The following STK32B variants were observed in gnomAD, a reference collection of about 807,000 sequenced individuals.
STK32B encodes the protein serine/threonine kinase 32B.
Under a neutral mutation model 52.6 loss-of-function variants are expected in STK32B, and 43 were observed. The ratio of observed to expected loss-of-function variants is 0.82; its 90% CI spans 0.64 to 1.05. STK32B has a LOEUF of 1.05. Ranked by LOEUF, STK32B falls within the 50% of genes least tolerant of loss-of-function variation. STK32B has a pLI of 0.00. For missense variants in STK32B, 621 were observed against 534.6 expected (o/e 1.16, Z -1.59); for synonymous variants, 238 against 204.3 (o/e 1.17, Z -1.41).
At chr4:5,185,874 A>G (rs968359604) in intron 3 of STK32B, among the ~76,000 whole-genome samples, 31 of 152,084 alleles carry the variant, frequency 2.0e-4, no homozygotes, top group African/African-American at 7.2e-4. Flanking sequence ...ATCCCCTGAC[A>G]CCCACCCCTA....
chr4:5,228,987 G>GT (rs1456658647), intron 3 of STK32B, among the ~76,000 whole-genome samples: 1 of 152,012 alleles, frequency 6.6e-6, no homozygotes, highest in Non-Finnish European at 1.5e-5. Flanking sequence ...AAAAAGTTAT[G>GT]TTTATACTCT....
intron 2 of STK32B, among the ~76,000 whole-genome samples, chr4:5,153,802 TG>T (rs1408052413): frequency 6.6e-6 from 1 of 151,618 alleles, no homozygotes; most frequent in Non-Finnish European, 1.5e-5. Flanking sequence ...AACTACAAAA[TG>T]TCTACTAGAA....
At chr4:5,264,613 T>C (rs997474719) in intron 3 of STK32B, among the ~76,000 whole-genome samples, 5 of 150,296 alleles carry the variant, frequency 3.3e-5, no homozygotes, top group East Asian at 2.0e-4. Flanking sequence ...AATGAAACCC[T>C]GTCTCTACTA....
intron 5 of STK32B, among the ~76,000 whole-genome samples, chr4:5,415,870 C>G (rs1197097646): frequency 2.0e-5 from 3 of 152,128 alleles, no homozygotes; most frequent in Non-Finnish European, 2.9e-5. Flanking sequence ...CTCAATGCAC[C>G]TGCTCCAGAA....
chr4:5,320,491 C>T (rs887780870), intron 3 of STK32B, among the ~76,000 whole-genome samples: 3 of 152,092 alleles, frequency 2.0e-5, no homozygotes, highest in African/African-American at 4.8e-5. Flanking sequence ...CTATTGTTTA[C>T]ATTGAAAAAA....
At chr4:5,322,652 G>A (rs1344163814) in intron 3 of STK32B, among the ~76,000 whole-genome samples, 2 of 152,220 alleles carry the variant, frequency 1.3e-5, no homozygotes, top group East Asian at 1.9e-4. Flanking sequence ...TGGAGACTAA[G>A]AAAGGTCTAG....
chr4:5,202,578 G>A (rs1332936005), intron 3 of STK32B, among the ~76,000 whole-genome samples: 1 of 152,246 alleles, frequency 6.6e-6, no homozygotes, highest in African/African-American at 2.4e-5. Context: ...GGTTCTCCAT[G>A]AGGGCTCCAC....
At chr4:5,316,852 TTA>T (rs1383198927) in intron 3 of STK32B, among the ~76,000 whole-genome samples, 1 of 866 alleles carries the variant, frequency 1.2e-3, no homozygotes, top group African/African-American at 8.9e-3. Context: ...ATATAATATA[TTA>T]TATATATTAT....
chr4:5,184,519 C>G (rs1467871286), intron 3 of STK32B, among the ~76,000 whole-genome samples: 1 of 151,920 alleles, frequency 6.6e-6, no homozygotes, highest in Non-Finnish European at 1.5e-5. Flanking sequence ...GAAACCCTGT[C>G]TCTACCAAAA....
chr4:5,173,922 T>C (rs1418307359), intron 3 of STK32B, among the ~76,000 whole-genome samples: 2 of 152,220 alleles, frequency 1.3e-5, no homozygotes, highest in Admixed American at 1.3e-4. Flanking sequence ...TCTCCTATTA[T>C]TATGGTGTGG....
chr4:5,151,854 A>C (rs542352025), intron 2 of STK32B, among the ~76,000 whole-genome samples: 2 of 152,284 alleles, frequency 1.3e-5, no homozygotes, highest in South Asian at 4.2e-4. Flanking sequence ...ACTCTCCAGC[A>C]TGCTTTTGGA....
chr4:5,093,776 G>A (rs745645950), intron 1 of STK32B, among the ~76,000 whole-genome samples: 1 of 152,136 alleles, frequency 6.6e-6, no homozygotes, highest in Non-Finnish European at 1.5e-5. Context: ...CTCTAAATGT[G>A]TATCACCTGT....
At chr4:5,141,926 C>T (rs1716490275) in intron 2 of STK32B, among the ~76,000 whole-genome samples, 1 of 152,192 alleles carries the variant, frequency 6.6e-6, no homozygotes, top group Non-Finnish European at 1.5e-5. Context: ...CTCCTCACTT[C>T]TGTGACTTTG....
chr4:5,437,825 C>T (rs1479804891), intron 6 of STK32B: 4 of 773,322 alleles, frequency 5.2e-6, no homozygotes, highest in Non-Finnish European at 3.1e-6. Flanking sequence ...AGCTCTAAAC[C>T]TGTGTAGTTC....
At chr4:5,268,162 G>A (rs574711621) in intron 3 of STK32B, among the ~76,000 whole-genome samples, 1 of 152,126 alleles carries the variant, frequency 6.6e-6, no homozygotes, top group Admixed American at 6.5e-5. Context: ...TGTAAAGAAA[G>A]TTTCACTTTG....
intron 4 of STK32B, among the ~76,000 whole-genome samples, chr4:5,388,581 A>G (rs1736404535): frequency 6.6e-6 from 1 of 152,244 alleles, no homozygotes; most frequent in South Asian, 2.1e-4. Context: ...TGCTACTACC[A>G]TGGCTCCAGC....
At chr4:5,265,628 G>A (rs1161097514) in intron 3 of STK32B, among the ~76,000 whole-genome samples, 1 of 151,948 alleles carries the variant, frequency 6.6e-6, no homozygotes, top group African/African-American at 2.4e-5. Flanking sequence ...TTGGAGTTAT[G>A]GTAGTCTCAC....
intron 2 of STK32B, among the ~76,000 whole-genome samples, chr4:5,145,486 C>T (rs1267002369): frequency 6.6e-6 from 1 of 152,096 alleles, no homozygotes; most frequent in Non-Finnish European, 1.5e-5. Flanking sequence ...CCAAAAGTCC[C>T]CTCTTGACCC....
chr4:5,179,649 T>G (rs1242506789), intron 3 of STK32B, among the ~76,000 whole-genome samples: 1 of 152,146 alleles, frequency 6.6e-6, no homozygotes, highest in African/African-American at 2.4e-5. Flanking sequence ...AAGCTACAAG[T>G]TAAAAGGAGA....
Sources: allele counts gnomAD v4.1 joint callset (sites outside exome capture counted in the v4.1 genomes callset), GRCh38; gene constraint gnomAD v4.1.1; transcripts MANE v1.5; gene names NCBI Gene and HGNC (gene_info 2026-07-23, HGNC 2026-07-21).